The following ZNF578 variants were observed in gnomAD, a reference collection of about 807,000 sequenced individuals.
ZNF578 encodes Putative chemokine-related protein B42.
Under a neutral mutation model 8.3 loss-of-function variants are expected in ZNF578, and 8 were observed. The observed-to-expected ratio is 0.96, with a 90% CI of 0.56 to 1.74. The LOEUF (loss-of-function observed/expected upper bound fraction) is 1.74, where lower values mean the gene tolerates loss of function less well. Ranked by LOEUF, ZNF578 falls within the 40% of genes most tolerant of loss-of-function variation. The probability of loss-of-function intolerance (pLI) is 0.00; values close to 1 mark genes in which losing one functional copy is unlikely to be tolerated. For synonymous variants in ZNF578, 206 were observed against 232.2 expected, an observed-to-expected ratio of 0.89 and a Z score of 1.03; for missense variants, 726 against 707.5, an observed-to-expected ratio of 1.03 and a Z score of -0.30.
At chr19:52,457,197 C>A (rs1484764700) in intron 2 of ZNF578, 1 of 152,222 alleles carries the variant, frequency 6.6e-6, no homozygotes, top group East Asian at 1.9e-4. Flanking sequence ...GGTCTTAAGA[C>A]CCTCCTCCGA....
At position 52,511,748 on chromosome 19, in the gene ZNF578, A is replaced by G. The variant is rs775957705; in HGVS notation, c.1367A>G (p.Lys456Arg). 6.2e-7 allele frequency: 1 copy of G among 1,613,456 alleles called. No homozygotes were observed. Among genetic ancestry groups the G allele is most frequent in the Non-Finnish European group, 8.5e-7 (1 of 1,179,872 alleles). The change falls in exon 6 of 6, where the codon AAA (lysine) becomes AGA (arginine). Residue 456 changes from lysine (K) to arginine (R), a missense_variant. Transcript: ENST00000421239. ...CTTCATACTGGAGAGAAATCTTACA[A>G]ATGTGAAGAATGTGACAGAGTTTTC... ...HRLHTGEKSY[K>R]CEECDRVFSQ...
At chr19:52,476,766 G>A (rs183815525) in intron 2 of ZNF578, among the ~76,000 whole-genome samples, 252 of 152,298 alleles carry the variant, frequency 1.7e-3, no homozygotes, top group Admixed American at 6.1e-3. Flanking sequence ...CTCCCACTAG[G>A]GATGTGGAGG....
chr19:52,504,371 G>A (rs965822585), intron 4 of ZNF578, among the ~76,000 whole-genome samples: 1 of 152,066 alleles, frequency 6.6e-6, no homozygotes, highest in African/African-American at 2.4e-5. Flanking sequence ...TATTACAAGC[G>A]TGAACCACCA....
intron 2 of ZNF578, among the ~76,000 whole-genome samples, chr19:52,467,217 G>T (rs1477685445): frequency 6.6e-6 from 1 of 151,968 alleles, no homozygotes; most frequent in East Asian, 1.9e-4. Flanking sequence ...TGCCATGTTG[G>T]CCAGGTTGGT....
At chr19:52,497,392 G>T (rs747670159) in intron 3 of ZNF578, among the ~76,000 whole-genome samples, 1 of 152,122 alleles carries the variant, frequency 6.6e-6, no homozygotes, top group Non-Finnish European at 1.5e-5. Context: ...GCTAATTTTA[G>T]TATTTTTGGT....
At position 52,464,443 on chromosome 19, in the gene ZNF578, A is replaced by G. The variant is rs556233917; in HGVS notation, c.-122+7485A>G. Among the ~76,000 whole-genome samples, 13 of 152,286 alleles carry G rather than the reference A, an allele frequency of 8.5e-5. No homozygotes were observed. The South Asian group carries it at 2.7e-3, about 32-fold the overall frequency. On this transcript the variant is annotated intron_variant, in intron 2 of 5. Transcript: ENST00000421239. Reference sequence around the variant, plus strand: ...ATAAATATCTCCTAACAATTTTTGAAAATCATTTCAAAATGATTTTTATTT... The same window carrying G: ...ATAAATATCTCCTAACAATTTTTGAGAATCATTTCAAAATGATTTTTATTT...
At chr19:52,505,338 ATGTAT>A (rs1204626173) in intron 5 of ZNF578, among the ~76,000 whole-genome samples, 16 of 152,188 alleles carry the variant, frequency 1.1e-4, no homozygotes, top group Admixed American at 4.6e-4. Context: ...ACAGCCTCAT[ATGTAT>A]GAGGCTGTTG....
chr19:52,460,043 G>A (rs2059252978), intron 2 of ZNF578, among the ~76,000 whole-genome samples: 1 of 150,476 alleles, frequency 6.6e-6, no homozygotes, highest in Non-Finnish European at 1.5e-5. Flanking sequence ...GGGATTACAG[G>A]CATAGCCACC....
chr19:52,509,412 A>C (rs1255926589), intron 5 of ZNF578, among the ~76,000 whole-genome samples: 2 of 152,084 alleles, frequency 1.3e-5, no homozygotes, highest in East Asian at 3.9e-4. Flanking sequence ...GGGTTACAAT[A>C]TTTTATTAAT....
rs11318311 is a variant in ZNF578, at chr19:52,513,337, CT to C, written c.*1207del. ...GCGCCTGGCATTGTTTCTTCTTTTC[CT>C]TTTTTTTTTTTTTTTTTTTTTTTGA... On this transcript the variant is annotated 3_prime_UTR_variant, in exon 6 of 6. Transcript: ENST00000421239. 0.16 allele frequency among the ~76,000 whole-genome samples: 16,354 copies of C among 99,504 alleles called. 1,041 individuals carry two copies. Among genetic ancestry groups the C allele is most frequent in the East Asian group, 0.36 (986 of 2,758 alleles). The allele number at this position is 99,504 out of a possible 152,430, so 65.3% of individuals were successfully genotyped here.
At chr19:52,480,071 G>A (rs968621119) in intron 2 of ZNF578, among the ~76,000 whole-genome samples, 17 of 152,042 alleles carry the variant, frequency 1.1e-4, no homozygotes, top group African/African-American at 4.1e-4. Flanking sequence ...CACCATGCCC[G>A]GCAAATTTTT....
At chr19:52,497,011 C>CAG (rs2059389243) in intron 3 of ZNF578, among the ~76,000 whole-genome samples, 4 of 152,124 alleles carry the variant, frequency 2.6e-5, no homozygotes, top group Non-Finnish European at 5.9e-5. Context: ...CATCTCAGTG[C>CAG]CGTAGCAACC....
intron 3 of ZNF578, among the ~76,000 whole-genome samples, chr19:52,495,814 G>C (rs2059383813): frequency 6.6e-6 from 1 of 152,000 alleles, no homozygotes; most frequent in Non-Finnish European, 1.5e-5. Context: ...TTCAGCCAGA[G>C]GACAGTGACT....
chr19:52,481,974 C>A (rs1402928722), intron 2 of ZNF578, among the ~76,000 whole-genome samples: 2 of 152,112 alleles, frequency 1.3e-5, no homozygotes, highest in African/African-American at 4.8e-5. Context: ...CTCAAAGGAT[C>A]CTCCTGCCTT....
chr19:52,497,510 CA>C (rs1474668149), intron 3 of ZNF578, among the ~76,000 whole-genome samples: 1 of 152,200 alleles, frequency 6.6e-6, no homozygotes, highest in Non-Finnish European at 1.5e-5. Flanking sequence ...TGTGAGTCAC[CA>C]TGCCCGGCCT....
In ZNF578 at chr19:52,482,768, C is replaced by T. The variant is rs372152636; in HGVS notation, c.-121-8556C>T. Among the ~76,000 whole-genome samples, 5 of 152,102 alleles carry T rather than the reference C, an allele frequency of 3.3e-5. No homozygotes were observed. The East Asian group carries it at 9.7e-4, about 30-fold the overall frequency. The stretch of plus-strand genomic sequence containing the variant: ...CCTGGCCTATATGGTAAAACCCTGT[C>T]TCTACCAAAAGTACAAAAATTAGCG... On this transcript the variant is annotated intron_variant, in intron 2 of 5. Transcript: ENST00000421239.
intron 2 of ZNF578, chr19:52,475,353 C>CTT (rs367763536): frequency 1.8e-4 from 26 of 144,722 alleles, no homozygotes; most frequent in South Asian, 1.1e-3. Flanking sequence ...TTCTTTCTTT[C>CTT]TTTTTTTTTT....
At chr19:52,483,835 C>T (rs1379929365) in intron 2 of ZNF578, among the ~76,000 whole-genome samples, 3 of 152,164 alleles carry the variant, frequency 2.0e-5, no homozygotes, top group African/African-American at 7.2e-5. Flanking sequence ...TGTGTATTCA[C>T]TTGAACTCAT....
rs28537593 is a variant in ZNF578 at position 52,513,751 on chromosome 19, T to C, written c.*1597T>C. On this transcript the variant is annotated 3_prime_UTR_variant, in exon 6 of 6. Transcript: ENST00000421239. Reference sequence around the variant, plus strand: ...TCTCAAAAAAAAAAAAAAAAAGATATCAAACCCGGGGTGTCTCATCCCACA... The same window carrying C: ...TCTCAAAAAAAAAAAAAAAAAGATACCAAACCCGGGGTGTCTCATCCCACA... 0.025 allele frequency among the ~76,000 whole-genome samples: 3,501 copies of C among 140,446 alleles called. 134 individuals are homozygous for C. The highest frequency in any genetic ancestry group is 0.085 in the African/African-American group (3,262 of 38,348). 92.1% of individuals were successfully genotyped at this position (140,446 alleles called of 152,430 possible).
Sources: gnomAD v4.1 joint callset for allele counts (sites outside exome capture counted in the v4.1 genomes callset) on GRCh38, gnomAD v4.1.1 for gene constraint, MANE v1.5 for transcripts, NCBI Gene and HGNC (gene_info 2026-07-23, HGNC 2026-07-21) for gene names.